The following MECOM variants were observed in gnomAD, a reference collection of about 807,000 sequenced individuals.
MECOM encodes histone-lysine N-methyltransferase MECOM.
MECOM carries 13 observed loss-of-function variants against 116.3 expected under a neutral mutation model. The ratio of observed to expected loss-of-function variants is 0.11; its 90% CI spans 0.07 to 0.18. MECOM has a LOEUF of 0.18. Among genes scored for constraint, MECOM ranks in the 10% least tolerant of loss-of-function variants. The pLI, the probability that MECOM is intolerant of heterozygous loss-of-function variation, is 1.00. For missense variants in MECOM, 1,299 were observed against 1,509.0 expected (o/e 0.86, Z 2.31); for synonymous variants, 528 against 535.2 (o/e 0.99, Z 0.19).
Position 169,381,389 on chromosome 3 carries a change from G to C in MECOM, c.173C>G (p.Pro58Arg). The change falls in exon 2 of 17, where the codon CCA (proline) becomes CGA (arginine). Residue 58 changes from proline to arginine, a missense_variant. Pro to Arg is a moderately radical substitution (Grantham distance 103). Coordinates refer to ENST00000651503, the MANE Select transcript of MECOM (RefSeq NM_004991.4). ...GGCTTTGTAAGGAGAACCCTCCTTTGGAGTGAATGCTTCACTGGATGTGGC... is the reference window on the plus strand; with the variant it reads ...GGCTTTGTAAGGAGAACCCTCCTTTCGAGTGAATGCTTCACTGGATGTGGC... ...SPATSSEAFT[P>R]KEGSPYKAPI... The C allele has an allele frequency of 6.2e-7, 1 of 1,613,880 alleles. No homozygotes were observed. The highest frequency in any genetic ancestry group is 8.5e-7 in the Non-Finnish European group (1 of 1,179,828).
intron 2 of MECOM, among the ~76,000 whole-genome samples, chr3:169,230,615 A>C (rs1434764536): frequency 6.6e-6 from 1 of 152,170 alleles, no homozygotes; most frequent in African/African-American, 2.4e-5. Flanking sequence ...ATTTTCTGAA[A>C]TGGTTTAATT....
chr3:169,568,441 G>C (rs6783308), intron 1 of MECOM, among the ~76,000 whole-genome samples: 33,463 of 151,894 alleles, frequency 0.22, 4,718 homozygotes, highest in East Asian at 0.7. Flanking sequence ...CCCACCCCCA[G>C]AAAGCCCAGC....
chr3:169,509,666 AT>A (rs1272341210), intron 1 of MECOM, among the ~76,000 whole-genome samples: 1 of 152,238 alleles, frequency 6.6e-6, no homozygotes, highest in Non-Finnish European at 1.5e-5. Flanking sequence ...AGGTTCACCC[AT>A]GTTGTATCAT....
intron 1 of MECOM, among the ~76,000 whole-genome samples, chr3:169,546,919 A>T (rs2193544): frequency 0.22 from 33,163 of 152,198 alleles, 4,654 homozygotes; most frequent in East Asian, 0.7. Context: ...AACTATATTA[A>T]TTATGACATA....
chr3:169,134,877 A>G (rs1399958316), intron 3 of MECOM, among the ~76,000 whole-genome samples: 1 of 152,184 alleles, frequency 6.6e-6, no homozygotes, highest in Non-Finnish European at 1.5e-5. Flanking sequence ...CCCTGAAACA[A>G]TATAGTGGGG....
At chr3:169,245,799 A>G (rs1755513023) in intron 2 of MECOM, among the ~76,000 whole-genome samples, 1 of 152,212 alleles carries the variant, frequency 6.6e-6, no homozygotes, top group Non-Finnish European at 1.5e-5. Flanking sequence ...AATTTACCCT[A>G]TATGGAATGT....
At position 169,641,103 on chromosome 3, in the gene MECOM, G is replaced by T. The variant is rs909089324; in HGVS notation, c.37+22233C>A. Among the ~76,000 whole-genome samples the T allele has an allele frequency of 1.2e-4, 19 of 152,300 alleles. 1 individual carries two copies. The South Asian group carries it at 3.7e-3, about 30-fold the overall frequency. On this transcript the variant is annotated intron_variant, in intron 1 of 16. Transcript: ENST00000651503. ...TGCTAAGGGCCACCCTAAGATTGGA[G>T]TTCAGGCAAACAGGATGGTGGCAGA... is the stretch of plus-strand genomic sequence containing the variant.
intron 2 of MECOM, among the ~76,000 whole-genome samples, chr3:169,339,974 G>A (rs1230070159): frequency 6.6e-6 from 1 of 152,104 alleles, no homozygotes; most frequent in African/African-American, 2.4e-5. Flanking sequence ...AAGAACAAGT[G>A]GGCCACATTT....
At chr3:169,369,267 T>A (rs1729684343) in intron 2 of MECOM, among the ~76,000 whole-genome samples, 1 of 151,330 alleles carries the variant, frequency 6.6e-6, no homozygotes, top group Non-Finnish European at 1.5e-5. Flanking sequence ...AGAAGGTCCC[T>A]CTTGAGCCCA....
At chr3:169,535,396 A>G (rs964505218) in intron 1 of MECOM, among the ~76,000 whole-genome samples, 1 of 152,086 alleles carries the variant, frequency 6.6e-6, no homozygotes, top group Non-Finnish European at 1.5e-5. Flanking sequence ...AGATACATAG[A>G]AAAAAAATCC....
intron 1 of MECOM, among the ~76,000 whole-genome samples, chr3:169,500,367 A>C (rs915562764): frequency 6.6e-6 from 1 of 151,988 alleles, no homozygotes; most frequent in African/African-American, 2.4e-5. Context: ...AAAAGTTTCA[A>C]TCATTAATTG....
At chr3:169,425,953 A>T (rs746600443) in intron 1 of MECOM, among the ~76,000 whole-genome samples, 3 of 152,210 alleles carry the variant, frequency 2.0e-5, no homozygotes, top group Non-Finnish European at 4.4e-5. Flanking sequence ...GGAAAAAAAG[A>T]TGAAAAGATA....
rs368251662 is a variant in MECOM, at chr3:169,155,037, C to T, written c.376-11205G>A. 4.6e-5 allele frequency among the ~76,000 whole-genome samples: 7 copies of T among 152,240 alleles called. No individual in the cohort carries two copies. In the South Asian group the frequency reaches 6.2e-4, roughly 14 times the overall value. ...AGGACCATTGTAAGATTTTTAAGGA[C>T]GGAATCAAGTTTTGTTCCTACTGAT... On this transcript the variant is annotated intron_variant, in intron 2 of 16. Transcript: ENST00000651503.
At chr3:169,543,946 C>G (rs372751177) in intron 1 of MECOM, among the ~76,000 whole-genome samples, 4 of 152,286 alleles carry the variant, frequency 2.6e-5, no homozygotes, top group Non-Finnish European at 5.9e-5. Flanking sequence ...AATGCAGTGG[C>G]ACAATCTTGG....
chr3:169,172,051 A>C (rs953831260), intron 2 of MECOM, among the ~76,000 whole-genome samples: 1 of 152,164 alleles, frequency 6.6e-6, no homozygotes, highest in African/African-American at 2.4e-5. Flanking sequence ...TGTAGAAAGA[A>C]CTGAGGAATA....
At chr3:169,381,660 T>G in intron 1 of MECOM, 136 bp from the exon 2 acceptor site, 1 of 696,558 alleles carries the variant, frequency 1.4e-6, no homozygotes. Context: ...TTCATTAAAA[T>G]CTTTATTATT....
chr3:169,518,917 C>A (rs1253276427), intron 1 of MECOM, among the ~76,000 whole-genome samples: 2 of 152,180 alleles, frequency 1.3e-5, no homozygotes, highest in African/African-American at 4.8e-5. Context: ...CTCCTCCTTG[C>A]CTTCTGCCAT....
intron 2 of MECOM, among the ~76,000 whole-genome samples, chr3:169,374,892 C>A (rs775948489): frequency 4.0e-5 from 6 of 151,410 alleles, no homozygotes; most frequent in Admixed American, 1.3e-4. Flanking sequence ...TTTTAATTAG[C>A]GAGTCATGGT....
intron 2 of MECOM, among the ~76,000 whole-genome samples, chr3:169,224,217 C>T (rs2149504950): frequency 6.6e-6 from 1 of 152,316 alleles, no homozygotes; most frequent in East Asian, 1.9e-4. Context: ...CCTTCCTTCC[C>T]ATCTGCCCTT....
Sources: gnomAD v4.1 joint callset for allele counts (sites outside exome capture counted in the v4.1 genomes callset) on GRCh38, gnomAD v4.1.1 for gene constraint, MANE v1.5 for transcripts, NCBI Gene and HGNC (gene_info 2026-07-23, HGNC 2026-07-21) for gene names.